Variants in RCOR1 observed in about 807,000 individuals in gnomAD.
The protein encoded by RCOR1 is REST corepressor.
A neutral mutation model predicts 64.0 loss-of-function variants in RCOR1; 12 were observed. The observed-to-expected ratio is 0.19, with a 90% CI of 0.12 to 0.30. RCOR1 has a LOEUF of 0.30. RCOR1 is among the 10% of genes least tolerant of loss of function. The probability of loss-of-function intolerance (pLI) is 1.00; values close to 1 mark genes in which losing one functional copy is unlikely to be tolerated. For missense variants in RCOR1, 502 were observed against 621.2 expected, an observed-to-expected ratio of 0.81 and a Z score of 2.04; for synonymous variants, 279 against 227.2, an observed-to-expected ratio of 1.23 and a Z score of -2.05.
chr14:102,727,698 T>C lies in RCOR1; in HGVS notation c.*1192T>C, dbSNP rs1037642872. 1.3e-5 allele frequency: 2 copies of C among 152,204 alleles called. No individual in the cohort carries two copies. Among genetic ancestry groups the C allele is most frequent in the African/African-American group, 4.8e-5 (2 of 41,454 alleles). The allele number at this position is 152,204 out of a possible 1,614,324, so 9.4% of individuals were successfully genotyped here. A position where few individuals can be genotyped will look rare whatever the true frequency, so the allele number is the denominator to read the frequency against. On this transcript the variant is annotated 3_prime_UTR_variant, in exon 12 of 12. Transcript: ENST00000262241. ...ACAGGACAGAGAAGTGATCAATGTA[T>C]TGGTCTAGTGAGACTGAGATGAAAA...
At chr14:102,661,805 C>G (rs1425009458) in intron 2 of RCOR1, among the ~76,000 whole-genome samples, 1 of 152,090 alleles carries the variant, frequency 6.6e-6, no homozygotes, top group East Asian at 1.9e-4. Context: ...TGCCCAGGCT[C>G]TATTGCAATG....
rs775035399 is a variant in RCOR1, at chr14:102,708,586, G to A, written c.779+3G>A. 5 of 1,544,104 alleles carry A rather than the reference G, an allele frequency of 3.2e-6. No individual in the cohort carries two copies. The Admixed American group carries it at 5.0e-5, about 15-fold the overall frequency. ...CAAAAACGGGAGCGGGAGGAGAGGT[G>A]AGCACATGGCTGGGGTGTTGTCTAA... is the stretch of plus-strand genomic sequence containing the variant. On this transcript the variant is annotated splice_donor_region_variant and intron_variant, in intron 6 of 11. Coordinates refer to ENST00000262241, the MANE Select transcript of RCOR1 (RefSeq NM_015156.4).
Position 102,646,151 on chromosome 14 carries a change from G to T in RCOR1, c.362-35744G>T, listed in dbSNP as rs1037564580. On this transcript the variant is annotated intron_variant, in intron 2 of 11. Transcript: ENST00000262241. ...TATGGGGTGGGAGATAATGTGATCAGCTCTAGAAAAATGTAATCCACCATA... is the reference window on the plus strand; with the variant it reads ...TATGGGGTGGGAGATAATGTGATCATCTCTAGAAAAATGTAATCCACCATA... Among the ~76,000 whole-genome samples, 3 of 152,304 alleles carry T rather than the reference G, an allele frequency of 2.0e-5. No homozygotes were observed. In the South Asian group the frequency reaches 6.2e-4, roughly 32 times the overall value.
At chr14:102,661,296 C>G (rs1443343538) in intron 2 of RCOR1, among the ~76,000 whole-genome samples, 1 of 151,980 alleles carries the variant, frequency 6.6e-6, no homozygotes, top group Non-Finnish European at 1.5e-5. Context: ...TGCAGTGAGT[C>G]GAGATTGTGC....
At chr14:102,608,075 T>G (rs997879921) in intron 2 of RCOR1, among the ~76,000 whole-genome samples, 6 of 151,722 alleles carry the variant, frequency 4.0e-5, no homozygotes, top group Non-Finnish European at 5.9e-5. Context: ...AACAACAAAA[T>G]TAACCGTTTT....
chr14:102,631,272 G>A (rs755649712), intron 2 of RCOR1, among the ~76,000 whole-genome samples: 5 of 151,194 alleles, frequency 3.3e-5, no homozygotes, highest in East Asian at 3.9e-4. Context: ...GCGCAATCTC[G>A]GCTCACGGCA....
intron 2 of RCOR1, among the ~76,000 whole-genome samples, chr14:102,673,905 G>A (rs1265784910): frequency 1.3e-5 from 2 of 152,202 alleles, no homozygotes; most frequent in African/African-American, 2.4e-5. Flanking sequence ...GTGAGCCACC[G>A]CGCCCAGCCC....
Position 102,721,476 on chromosome 14 carries a change from A to C in RCOR1, c.1189+99A>C, listed in dbSNP as rs1172927321. 1.1e-5 allele frequency: 9 copies of C among 792,332 alleles called. No homozygotes were observed. The Admixed American group carries it at 1.3e-4, about 11-fold the overall frequency. 49.1% of individuals were successfully genotyped at this position (792,332 alleles called of 1,614,324 possible). ...AAGGTTGACGCATTTGCTTGAGCCC[A>C]GGAGCTCAAGGCTGCATTGATCCAT... On this transcript the variant is annotated intron_variant, in intron 10 of 11. Transcript: ENST00000262241.
intron 3 of RCOR1, among the ~76,000 whole-genome samples, chr14:102,693,275 CCAGT>C (rs1895574800): frequency 6.6e-6 from 1 of 152,154 alleles, no homozygotes. Flanking sequence ...TTCTCTCTCT[CCAGT>C]CAGACATGCG....
intron 2 of RCOR1, among the ~76,000 whole-genome samples, chr14:102,678,007 C>G (rs1388588306): frequency 2.7e-5 from 4 of 150,374 alleles, no homozygotes; most frequent in South Asian, 4.2e-4. Flanking sequence ...GAGACCAGCC[C>G]GGCCAACACA....
chr14:102,613,748 A>C (rs1291647505), intron 2 of RCOR1, among the ~76,000 whole-genome samples: 2 of 144,662 alleles, frequency 1.4e-5, no homozygotes, highest in East Asian at 4.1e-4. Context: ...AAAGAGGTGG[A>C]GTATAACTAT....
intron 2 of RCOR1, among the ~76,000 whole-genome samples, chr14:102,640,374 T>C (rs970646679): frequency 2.6e-5 from 4 of 152,330 alleles, no homozygotes; most frequent in Non-Finnish European, 5.9e-5. Flanking sequence ...TATTTAGATA[T>C]GTATGAACGA....
intron 2 of RCOR1, chr14:102,655,620 G>C (rs1449957375): frequency 4.1e-6 from 2 of 485,956 alleles, no homozygotes; most frequent in Non-Finnish European, 5.3e-6. Context: ...TAGCTTGTCT[G>C]TCCCCTATCT....
At position 102,681,994 on chromosome 14, in the gene RCOR1, C is replaced by T; in HGVS notation, c.445+16C>T. On this transcript the variant is annotated intron_variant, in intron 3 of 11. Transcript: ENST00000262241. ...GAAGCAAAGTGTAAGTCTTGGAGCA[C>T]TTTATTTTCCACCTTTCTTGTTTAA... 1.9e-6 allele frequency: 3 copies of T among 1,578,384 alleles called. No homozygotes were observed. The highest frequency in any genetic ancestry group is 2.6e-6 in the Non-Finnish European group (3 of 1,148,102).
intron 2 of RCOR1, among the ~76,000 whole-genome samples, chr14:102,630,685 A>G (rs184434298): frequency 4.1e-4 from 62 of 152,268 alleles, no homozygotes; most frequent in African/African-American, 1.5e-3. Flanking sequence ...GGGGACTGTC[A>G]CCACGAAGGA....
chr14:102,712,908 A>G lies in RCOR1; in HGVS notation c.859-1515A>G, dbSNP rs537830311. Among the ~76,000 whole-genome samples, 3 of 143,528 alleles carry G rather than the reference A, an allele frequency of 2.1e-5. No homozygotes were observed. In the East Asian group the frequency reaches 6.2e-4, roughly 30 times the overall value. The allele number at this position is 143,528 out of a possible 152,430, so 94.2% of individuals were successfully genotyped here. A position where few individuals can be genotyped will look rare whatever the true frequency, so the allele number is the denominator to read the frequency against. On this transcript the variant is annotated intron_variant, in intron 7 of 11. Coordinates refer to ENST00000262241, the MANE Select transcript of RCOR1 (RefSeq NM_015156.4). ...TCATACATTTTTATAATTCTTATTT[A>G]TATAATTTCTGATTCAGAAAGAAAA...
At chr14:102,649,974 C>T (rs1264290003) in intron 2 of RCOR1, among the ~76,000 whole-genome samples, 2 of 151,582 alleles carry the variant, frequency 1.3e-5, no homozygotes, top group Admixed American at 6.6e-5. Context: ...CCGAGATGGG[C>T]GGATCACGAG....
intron 3 of RCOR1, among the ~76,000 whole-genome samples, chr14:102,694,576 A>C (rs1382830585): frequency 1.3e-5 from 2 of 152,190 alleles, no homozygotes; most frequent in East Asian, 1.9e-4. Context: ...CGCCCGGCCA[A>C]GAAATAGCAT....
Position 102,631,534 on chromosome 14 carries a change from G to A in RCOR1, c.361+38209G>A, listed in dbSNP as rs1039966286. Among the ~76,000 whole-genome samples the A allele has an allele frequency of 8.6e-5, 13 of 151,976 alleles. No individual in the cohort carries two copies. In the East Asian group the frequency reaches 2.5e-3, roughly 29 times the overall value. Reference sequence around the variant, plus strand: ...AGACTATTTTTGAGAATAAAAAGGGGCCTATTAAAAATTATGTCAGGTTGA... The same window carrying A: ...AGACTATTTTTGAGAATAAAAAGGGACCTATTAAAAATTATGTCAGGTTGA... On this transcript the variant is annotated intron_variant, in intron 2 of 11. Transcript: ENST00000262241.
Sources: gnomAD v4.1 joint callset for allele counts (sites outside exome capture counted in the v4.1 genomes callset) on GRCh38, gnomAD v4.1.1 for gene constraint, MANE v1.5 for transcripts, NCBI Gene and HGNC (gene_info 2026-07-23, HGNC 2026-07-21) for gene names.